The following RALGAPA2 variants were observed in gnomAD, a reference collection of about 807,000 sequenced individuals.
RALGAPA2 encodes the protein ral GTPase-activating protein subunit alpha-2.
RALGAPA2 carries 139 observed loss-of-function variants against 230.4 expected under a neutral mutation model. That is an observed-to-expected ratio of 0.60 (90% CI 0.53 to 0.69). The LOEUF is 0.69. Ranked by LOEUF, RALGAPA2 falls within the 30% of genes least tolerant of loss-of-function variation. RALGAPA2 has a pLI of 0.00. For synonymous variants in RALGAPA2, 847 were observed against 837.8 expected, an observed-to-expected ratio of 1.01 and a Z score of -0.19; for missense variants, 2,163 against 2,276.0, an observed-to-expected ratio of 0.95 and a Z score of 1.01.
chr20:20,489,566 T>C (rs969230307), intron 36 of RALGAPA2, among the ~76,000 whole-genome samples: 2 of 145,758 alleles, frequency 1.4e-5, no homozygotes, highest in African/African-American at 5.1e-5. Flanking sequence ...AAAGTATTCA[T>C]GAAAAAAAAA....
At chr20:20,700,932 G>A (rs546996660) in intron 1 of RALGAPA2, among the ~76,000 whole-genome samples, 134 of 152,290 alleles carry the variant, frequency 8.8e-4, no homozygotes, top group South Asian at 2.3e-3. Context: ...AAGCCATGAC[G>A]GACCAGCTCA....
intron 31 of RALGAPA2, among the ~76,000 whole-genome samples, chr20:20,515,305 T>C (rs1436908068): frequency 6.6e-6 from 1 of 152,196 alleles, no homozygotes; most frequent in African/African-American, 2.4e-5. Context: ...ATCCAGAAGA[T>C]GGCAGATTGG....
chr20:20,556,221 G>A (rs933643451), intron 23 of RALGAPA2, among the ~76,000 whole-genome samples: 4 of 152,282 alleles, frequency 2.6e-5, no homozygotes, highest in Admixed American at 2.6e-4. Context: ...TCAGCCCCAA[G>A]TCCTTTGCTA....
At chr20:20,682,162 T>A (rs2068543593) in intron 1 of RALGAPA2, among the ~76,000 whole-genome samples, 1 of 152,204 alleles carries the variant, frequency 6.6e-6, no homozygotes, top group Non-Finnish European at 1.5e-5. Flanking sequence ...GTAAGGTGCT[T>A]ATAAAGTCTT....
At chr20:20,506,638 G>A (rs1157046999) in intron 33 of RALGAPA2, among the ~76,000 whole-genome samples, 5 of 152,108 alleles carry the variant, frequency 3.3e-5, no homozygotes, top group Admixed American at 2.0e-4. Flanking sequence ...AGGAATAACT[G>A]TCAAGTTCTT....
At chr20:20,702,895 A>G (rs916783901) in intron 1 of RALGAPA2, among the ~76,000 whole-genome samples, 2 of 152,194 alleles carry the variant, frequency 1.3e-5, no homozygotes, top group African/African-American at 4.8e-5. Context: ...TACTTTGTCC[A>G]GGCATGGTGG....
At chr20:20,645,262 A>C (rs1568696359) in intron 4 of RALGAPA2, among the ~76,000 whole-genome samples, 1 of 151,494 alleles carries the variant, frequency 6.6e-6, no homozygotes, top group African/African-American at 2.4e-5. Flanking sequence ...TTATAGGTGC[A>C]TACCACCACG....
At chr20:20,557,903 T>C (rs2064133994) in intron 23 of RALGAPA2, among the ~76,000 whole-genome samples, 1 of 152,182 alleles carries the variant, frequency 6.6e-6, no homozygotes, top group African/African-American at 2.4e-5. Flanking sequence ...CATCGTCCTG[T>C]TCCTTACAGG....
intron 1 of RALGAPA2, among the ~76,000 whole-genome samples, chr20:20,695,800 T>C (rs879871492): frequency 9.2e-5 from 14 of 152,182 alleles, no homozygotes; most frequent in Non-Finnish European, 2.1e-4. Context: ...GGTCTTTCCA[T>C]TGAGAAAAGA....
At chr20:20,470,175 C>T (rs894418959) in intron 37 of RALGAPA2, among the ~76,000 whole-genome samples, 3 of 152,168 alleles carry the variant, frequency 2.0e-5, no homozygotes, top group African/African-American at 7.2e-5. Flanking sequence ...ATTCTAACTG[C>T]ATTTACTTCT....
chr20:20,648,827 G>A (rs565834504), intron 4 of RALGAPA2, among the ~76,000 whole-genome samples: 46 of 152,254 alleles, frequency 3.0e-4, no homozygotes, highest in African/African-American at 1.1e-3. Context: ...AGAGGGAATG[G>A]TGGCTGATGT....
At chr20:20,627,073 G>A (rs765502933) in intron 10 of RALGAPA2, among the ~76,000 whole-genome samples, 1 of 152,148 alleles carries the variant, frequency 6.6e-6, no homozygotes, top group Admixed American at 6.5e-5. Flanking sequence ...TTTTAAAATC[G>A]TGGACTATTA....
intron 24 of RALGAPA2, among the ~76,000 whole-genome samples, chr20:20,538,823 C>T (rs1013171310): frequency 3.3e-5 from 5 of 152,122 alleles, no homozygotes; most frequent in South Asian, 4.1e-4. Context: ...GACGAAGAGA[C>T]AGACAACAGG....
intron 23 of RALGAPA2, among the ~76,000 whole-genome samples, chr20:20,562,540 A>G (rs1602810304): frequency 6.6e-6 from 1 of 152,196 alleles, no homozygotes; most frequent in African/African-American, 2.4e-5. Context: ...TACATAATTC[A>G]TATTCATGTC....
intron 3 of RALGAPA2, among the ~76,000 whole-genome samples, chr20:20,673,414 G>T (rs1482549792): frequency 1.3e-5 from 2 of 151,958 alleles, no homozygotes; most frequent in East Asian, 3.9e-4. Context: ...AAAACTGCTT[G>T]AAGACAATAA....
At chr20:20,475,076 A>C (rs1243336783) in intron 36 of RALGAPA2, among the ~76,000 whole-genome samples, 1 of 152,196 alleles carries the variant, frequency 6.6e-6, no homozygotes, top group African/African-American at 2.4e-5. Flanking sequence ...ATACCTGCTA[A>C]ATGAGTTACA....
At chr20:20,477,766 T>C (rs2061685537) in intron 36 of RALGAPA2, among the ~76,000 whole-genome samples, 1 of 152,164 alleles carries the variant, frequency 6.6e-6, no homozygotes, top group African/African-American at 2.4e-5. Context: ...TTTTGTACTT[T>C]TAGTAGAGAC....
In RALGAPA2 at chr20:20,472,882, C is replaced by T. The variant is rs747352667; in HGVS notation, c.5442G>A (p.Thr1814=). 55 of 1,613,484 alleles carry T rather than the reference C, an allele frequency of 3.4e-5. No homozygotes were observed. The highest frequency in any genetic ancestry group is 5.0e-5 in the Admixed American group (3 of 59,924). The change falls in exon 37 of 40, where the codon ACG becomes ACA. Residue 1814 remains threonine (T), a synonymous_variant. Transcript: ENST00000202677. ...TCACAGCCCTGCTGGCGTTGATGCACGTGGCACATACAAGGCTTGGCAGCA... is the reference window on the plus strand; with the variant it reads ...TCACAGCCCTGCTGGCGTTGATGCATGTGGCACATACAAGGCTTGGCAGCA... The part of the protein sequence containing the change: ...GKLLPSLVCA[T]CINASRAVKC...
chr20:20,473,203 G>A (rs929096484), intron 36 of RALGAPA2, among the ~76,000 whole-genome samples: 2 of 152,104 alleles, frequency 1.3e-5, no homozygotes, highest in African/African-American at 4.8e-5. Flanking sequence ...CAGGTTCTTC[G>A]TTTTTTCTCT....
Sources: allele counts gnomAD v4.1 joint callset (sites outside exome capture counted in the v4.1 genomes callset), GRCh38; gene constraint gnomAD v4.1.1; transcripts MANE v1.5; gene names NCBI Gene and HGNC (gene_info 2026-07-23, HGNC 2026-07-21).